The following DSE variants were observed in gnomAD, a reference collection of about 807,000 sequenced individuals.
DSE encodes dermatan sulfate epimerase.
Under a neutral mutation model 84.4 loss-of-function variants are expected in DSE, and 36 were observed. The observed-to-expected ratio is 0.43, with a 90% CI of 0.33 to 0.56. The LOEUF (loss-of-function observed/expected upper bound fraction) is 0.56. Among genes scored for constraint, DSE ranks in the 20% least tolerant of loss-of-function variants. The pLI is 0.06. For synonymous variants in DSE, 410 were observed against 430.1 expected (o/e 0.95, Z 0.58); for missense variants, 862 against 1,169.6 (o/e 0.74, Z 3.84).
At chr6:116,276,871 G>C (rs1452776975) in intron 2 of DSE, 1 of 152,122 alleles carries the variant, frequency 6.6e-6, no homozygotes, top group East Asian at 1.9e-4. Context: ...GTTGTTACCA[G>C]GGAAAATTAT....
chr6:116,279,875 CAG>C, intron 2 of DSE: 1 of 1,612,948 alleles, frequency 6.2e-7, no homozygotes. Flanking sequence ...CCGTTTTCCT[CAG>C]AGGCCGAACT....
At chr6:116,300,603 T>C (rs1050316937) in intron 2 of DSE, among the ~76,000 whole-genome samples, 1 of 152,246 alleles carries the variant, frequency 6.6e-6, no homozygotes, top group African/African-American at 2.4e-5. Flanking sequence ...TCCTGACTTC[T>C]GCCTCAGGCA....
intron 2 of DSE, 55 bp downstream of exon 2, chr6:116,399,721 A>T (rs1440985028): frequency 2.6e-6 from 4 of 1,524,304 alleles, no homozygotes; most frequent in Non-Finnish European, 3.6e-6. Context: ...GAAAGAAACA[A>T]ATCCATATGA....
chr6:116,433,770 A>C (rs1783987588), intron 5 of DSE, among the ~76,000 whole-genome samples: 1 of 152,194 alleles, frequency 6.6e-6, no homozygotes, highest in Non-Finnish European at 1.5e-5. Context: ...TTTTAGATAC[A>C]GGGGTACATG....
At chr6:116,369,232 G>C (rs573980501), upstream of DSE, among the ~76,000 whole-genome samples, 1 of 152,302 alleles carries the variant, frequency 6.6e-6, no homozygotes, top group Non-Finnish European at 1.5e-5. Context: ...TAAAGTTCTA[G>C]GTTGGAGAAT....
At chr6:116,368,657 A>G (rs1002895924), upstream of DSE, among the ~76,000 whole-genome samples, 5 of 152,230 alleles carry the variant, frequency 3.3e-5, no homozygotes, top group Non-Finnish European at 7.3e-5. Context: ...ACTTAGGGAA[A>G]TACAGTAATT....
At chr6:116,275,199 C>A (rs964447085) in intron 2 of DSE, among the ~76,000 whole-genome samples, 3 of 152,312 alleles carry the variant, frequency 2.0e-5, no homozygotes, top group African/African-American at 7.2e-5. Context: ...TATTGGACAA[C>A]ACACATCTAG....
intron 2 of DSE, among the ~76,000 whole-genome samples, chr6:116,273,211 AC>A (rs1223415616): frequency 6.6e-6 from 1 of 152,232 alleles, no homozygotes; most frequent in Non-Finnish European, 1.5e-5. Flanking sequence ...ATAGGTGTTC[AC>A]AAAAATTAGT....
chr6:116,422,457 A>G (rs956882868), intron 2 of DSE, among the ~76,000 whole-genome samples: 3 of 152,218 alleles, frequency 2.0e-5, no homozygotes, highest in African/African-American at 7.2e-5. Flanking sequence ...TCAGTTGATC[A>G]TTCTGTCATG....
At chr6:116,347,627 G>T (rs931509088) in intron 2 of DSE, among the ~76,000 whole-genome samples, 3 of 152,112 alleles carry the variant, frequency 2.0e-5, no homozygotes, top group Non-Finnish European at 2.9e-5. Context: ...TCCTTACACC[G>T]CATACAAAAA....
chr6:116,430,610 C>G (rs1248239949), intron 3 of DSE, among the ~76,000 whole-genome samples: 1 of 151,942 alleles, frequency 6.6e-6, no homozygotes, highest in African/African-American at 2.4e-5. Flanking sequence ...GGCGCGATCT[C>G]CGCTCACTGC....
chr6:116,285,992 T>G (rs1311600739), intron 2 of DSE, among the ~76,000 whole-genome samples: 1 of 152,228 alleles, frequency 6.6e-6, no homozygotes, highest in East Asian at 1.9e-4. Flanking sequence ...TAGGATTGTC[T>G]TGGCAATGCG....
Position 116,298,066 on chromosome 6 carries a change from T to C in DSE, c.-54+39099T>C, listed in dbSNP as rs1398404818. On this transcript the variant is annotated intron_variant, in intron 2 of 3. Coordinates refer to the DSE transcript ENST00000430252. ...AAATATTTGAGTTTTAATTCCTGAATTGTCATTTATTGACTTGGTGATTAT... is the reference window on the plus strand; with the variant it reads ...AAATATTTGAGTTTTAATTCCTGAACTGTCATTTATTGACTTGGTGATTAT... Among the ~76,000 whole-genome samples the C allele has an allele frequency of 1.6e-4, 24 of 152,212 alleles. 1 individual carries two copies. The highest frequency in any genetic ancestry group is 2.1e-4 in the South Asian group (1 of 4,836).
chr6:116,291,652 G>A (rs554632330), intron 2 of DSE, among the ~76,000 whole-genome samples: 6 of 151,830 alleles, frequency 4.0e-5, no homozygotes, highest in African/African-American at 9.7e-5. Context: ...TTTTAAACAG[G>A]GGATTGACAT....
At chr6:116,301,810 G>A (rs112747510) in intron 2 of DSE, among the ~76,000 whole-genome samples, 6,404 of 152,064 alleles carry the variant, frequency 0.042, 455 homozygotes, top group African/African-American at 0.15. Context: ...GGCAGGCTCC[G>A]GTGTGTGATG....
chr6:116,341,310 C>T (rs1286690189), intron 2 of DSE, among the ~76,000 whole-genome samples: 1 of 152,148 alleles, frequency 6.6e-6, no homozygotes, highest in Admixed American at 6.5e-5. Context: ...ATATCCTTCA[C>T]CCACTTTTCG....
chr6:116,390,219 C>A (rs1257083916), intron 1 of DSE, among the ~76,000 whole-genome samples: 2 of 151,878 alleles, frequency 1.3e-5, no homozygotes, highest in African/African-American at 2.4e-5. Flanking sequence ...AGGTACATGC[C>A]ACAACACCCA....
In DSE at chr6:116,299,557, T is replaced by TAC. The variant is rs1167347090; in HGVS notation, c.-54+40606_-54+40607dup. On this transcript the variant is annotated intron_variant, in intron 2 of 3. Coordinates refer to the DSE transcript ENST00000430252. ...ATATATATATATATATATATACACA[T>TAC]ACACACACACACACACATACATATA... 1.2e-3 allele frequency among the ~76,000 whole-genome samples: 81 copies of TAC among 69,314 alleles called. 4 individuals are homozygous for TAC. The highest frequency in any genetic ancestry group is 2.2e-3 in the African/African-American group (43 of 19,184). The allele number at this position is 69,314 out of a possible 152,430, so 45.5% of individuals were successfully genotyped here.
In DSE at chr6:116,443,979, C is replaced by A. The variant is rs1426626509; in HGVS notation, c.*6634C>A. 3 of 152,128 alleles carry A rather than the reference C, an allele frequency of 2.0e-5. No homozygotes were observed. The highest frequency in any genetic ancestry group is 1.3e-4 in the Admixed American group (2 of 15,272). The allele number at this position is 152,128 out of a possible 1,614,324, so 9.4% of individuals were successfully genotyped here. On this transcript the variant is annotated 3_prime_UTR_variant, in exon 6 of 6. Transcript: ENST00000644252. ...TACCATTTTTGTCCAGGATCAGAGA[C>A]CTCCAGTAAAATAAAAGGAATTTCT...
Sources: allele counts gnomAD v4.1 joint callset (sites outside exome capture counted in the v4.1 genomes callset), GRCh38; gene constraint gnomAD v4.1.1; transcripts MANE v1.5; gene names NCBI Gene and HGNC (gene_info 2026-07-23, HGNC 2026-07-21).